The following PDZRN3 variants were observed in gnomAD, a reference collection of about 807,000 sequenced individuals.
The protein encoded by PDZRN3 is PDZ domain containing ring finger 3.
Under a neutral mutation model 85.7 loss-of-function variants are expected in PDZRN3, and 38 were observed. The ratio of observed to expected loss-of-function variants is 0.44; its 90% CI spans 0.34 to 0.58. PDZRN3 has a LOEUF of 0.58. Among genes scored for constraint, PDZRN3 ranks in the 20% least tolerant of loss-of-function variants. The pLI, the probability that PDZRN3 is intolerant of heterozygous loss-of-function variation, is 0.01. For synonymous variants in PDZRN3, 759 were observed against 638.0 expected (o/e 1.19, Z -2.86); for missense variants, 1,629 against 1,506.4 (o/e 1.08, Z -1.35).
intron 3 of PDZRN3, among the ~76,000 whole-genome samples, chr3:73,460,539 A>G (rs1353872970): frequency 2.6e-5 from 4 of 152,230 alleles, no homozygotes; most frequent in African/African-American, 9.6e-5. Context: ...AAAGTAAGAA[A>G]TTTAAAAATT....
chr3:73,527,119 G>A (rs1272088414), intron 3 of PDZRN3, among the ~76,000 whole-genome samples: 1 of 152,148 alleles, frequency 6.6e-6, no homozygotes, highest in Non-Finnish European at 1.5e-5. Flanking sequence ...GATTACAGGC[G>A]TGAGTCACTG....
chr3:73,484,419 G>A (rs148651869), intron 3 of PDZRN3, among the ~76,000 whole-genome samples: 1 of 152,036 alleles, frequency 6.6e-6, no homozygotes, highest in South Asian at 2.1e-4. Context: ...CCAATGGAGG[G>A]GGGTGGTTAG....
intron 3 of PDZRN3, among the ~76,000 whole-genome samples, chr3:73,509,824 C>T (rs1285848631): frequency 3.3e-5 from 5 of 152,298 alleles, no homozygotes; most frequent in African/African-American, 7.2e-5. Flanking sequence ...AATCCTGGCA[C>T]GGGCGGGCGG....
In PDZRN3 at chr3:73,387,045, G is replaced by C. The variant is rs181368072; in HGVS notation, c.1518+923C>G. Reference sequence around the variant, plus strand: ...TGAATAAGTCTCATGAGATCTGATAGTTTTATAAGGGGAAACCCCGTTTGC... The same window carrying C: ...TGAATAAGTCTCATGAGATCTGATACTTTTATAAGGGGAAACCCCGTTTGC... On this transcript the variant is annotated intron_variant, in intron 8 of 9. Transcript: ENST00000263666. Among the ~76,000 whole-genome samples the C allele has an allele frequency of 6.4e-4, 98 of 152,304 alleles. 1 individual carries two copies. The highest frequency in any genetic ancestry group is 2.0e-3 in the Admixed American group (31 of 15,290).
chr3:73,557,085 C>T, intron 3 of PDZRN3: 1 of 152,308 alleles, frequency 6.6e-6, no homozygotes, highest in Non-Finnish European at 1.5e-5. Context: ...TTCCCAATCC[C>T]CCCACCACTG....
intron 3 of PDZRN3, among the ~76,000 whole-genome samples, chr3:73,484,524 C>T (rs1157475229): frequency 6.6e-6 from 1 of 152,080 alleles, no homozygotes; most frequent in Non-Finnish European, 1.5e-5. Flanking sequence ...GACAGAAGAG[C>T]TTCATGGAGA....
chr3:73,573,532 C>G (rs890992494), intron 3 of PDZRN3, among the ~76,000 whole-genome samples: 17 of 152,198 alleles, frequency 1.1e-4, no homozygotes, highest in African/African-American at 4.1e-4. Context: ...TTGCCTGTAA[C>G]TGCTTTCACA....
intron 5 of PDZRN3, among the ~76,000 whole-genome samples, chr3:73,393,147 G>A (rs981273432): frequency 6.6e-6 from 1 of 152,122 alleles, no homozygotes; most frequent in African/African-American, 2.4e-5. Context: ...TACCCCTGCA[G>A]GAGACACATC....
At chr3:73,474,729 G>A in intron 3 of PDZRN3, 1 of 629,096 alleles carries the variant, frequency 1.6e-6, no homozygotes, top group East Asian at 7.5e-5. Context: ...CAGGCCCTGG[G>A]AAAGGTTCCC....
chr3:73,474,068 G>A (rs934977834), intron 3 of PDZRN3, among the ~76,000 whole-genome samples: 3 of 152,198 alleles, frequency 2.0e-5, no homozygotes, highest in African/African-American at 7.2e-5. Context: ...TAGGGTCCAT[G>A]TTCTTAACCA....
Position 73,554,724 on chromosome 3 carries a change from G to A in PDZRN3, c.918+47630C>T, listed in dbSNP as rs55956317. Among the ~76,000 whole-genome samples, 1,410 of 152,282 alleles carry A rather than the reference G, an allele frequency of 9.3e-3. 27 individuals carry two copies. The highest frequency in any genetic ancestry group is 0.032 in the African/African-American group (1,322 of 41,542). ...ATTTTCATCCACACTCACTGGCAGT[G>A]AATATGCTCTTTCACACAAATATTC... On this transcript the variant is annotated intron_variant, in intron 3 of 9. Coordinates refer to ENST00000263666, the MANE Select transcript of PDZRN3 (RefSeq NM_015009.3).
intron 3 of PDZRN3, among the ~76,000 whole-genome samples, chr3:73,450,292 C>T (rs1176075520): frequency 2.6e-5 from 4 of 152,158 alleles, no homozygotes; most frequent in African/African-American, 9.6e-5. Context: ...CCCTATAGAG[C>T]GTACTAAACA....
At chr3:73,398,789 T>C (rs1701690860) in intron 5 of PDZRN3, among the ~76,000 whole-genome samples, 1 of 152,236 alleles carries the variant, frequency 6.6e-6, no homozygotes, top group African/African-American at 2.4e-5. Flanking sequence ...TAAATAACAC[T>C]GGCTTGTGTC....
intron 3 of PDZRN3, among the ~76,000 whole-genome samples, chr3:73,492,983 C>CTTTT (rs1559707030): frequency 3.7e-4 from 11 of 29,360 alleles, no homozygotes; most frequent in Non-Finnish European, 4.5e-4. Context: ...GGCTTTTCAA[C>CTTTT]CTTTTTTTTT....
intron 3 of PDZRN3, chr3:73,593,977 TA>T: frequency 6.6e-6 from 1 of 152,322 alleles, no homozygotes; most frequent in Middle Eastern, 3.4e-3. Flanking sequence ...ACCTGCTAGC[TA>T]AATTCTGCAA....
intron 1 of PDZRN3, among the ~76,000 whole-genome samples, chr3:73,615,188 A>C (rs1018331485): frequency 1.3e-5 from 2 of 152,196 alleles, no homozygotes; most frequent in African/African-American, 4.8e-5. Flanking sequence ...ATATGAGAAG[A>C]CGTTTCAGTA....
At chr3:73,613,834 C>T (rs999905920) in intron 1 of PDZRN3, among the ~76,000 whole-genome samples, 5 of 152,022 alleles carry the variant, frequency 3.3e-5, no homozygotes, top group Non-Finnish European at 5.9e-5. Flanking sequence ...ACTTAGGACC[C>T]CAGCCCCCAC....
intron 1 of PDZRN3, among the ~76,000 whole-genome samples, chr3:73,619,453 G>C (rs1702816989): frequency 6.6e-6 from 1 of 152,200 alleles, no homozygotes; most frequent in African/African-American, 2.4e-5. Context: ...GCTTCCTAGA[G>C]GTAGTGATGC....
intron 3 of PDZRN3, among the ~76,000 whole-genome samples, chr3:73,447,173 G>A (rs1177629847): frequency 6.6e-6 from 1 of 150,668 alleles, no homozygotes; most frequent in African/African-American, 2.4e-5. Flanking sequence ...TTATTTTCAT[G>A]GTGGAGAAAC....
Sources: gnomAD v4.1 joint callset for allele counts (sites outside exome capture counted in the v4.1 genomes callset) on GRCh38, gnomAD v4.1.1 for gene constraint, MANE v1.5 for transcripts, NCBI Gene and HGNC (gene_info 2026-07-23, HGNC 2026-07-21) for gene names.